The following TBC1D2B variants were observed in gnomAD, a reference collection of about 807,000 sequenced individuals.
TBC1D2B encodes TBC1 domain family, member 2B.
A neutral mutation model predicts 100.8 loss-of-function variants in TBC1D2B; 64 were observed. The ratio of observed to expected loss-of-function variants is 0.64; its 90% CI spans 0.52 to 0.78. TBC1D2B has a LOEUF of 0.78. TBC1D2B is among the 30% of genes least tolerant of loss of function. TBC1D2B has a pLI of 0.00. For synonymous variants in TBC1D2B, 480 were observed against 479.7 expected (o/e 1.00, Z -0.01); for missense variants, 1,052 against 1,218.4 (o/e 0.86, Z 2.03).
chr15:78,070,154 G>A (rs2073721086), intron 1 of TBC1D2B, among the ~76,000 whole-genome samples: 1 of 152,092 alleles, frequency 6.6e-6, no homozygotes, highest in South Asian at 2.1e-4. Context: ...TTGCCACCAG[G>A]CACTCCTTGA....
chr15:78,075,847 A>G (rs572604413), intron 1 of TBC1D2B, among the ~76,000 whole-genome samples: 40 of 151,754 alleles, frequency 2.6e-4, no homozygotes, highest in African/African-American at 5.8e-4. Flanking sequence ...GAACATCTCC[A>G]GGGAGCAGCT....
intron 1 of TBC1D2B, among the ~76,000 whole-genome samples, chr15:78,057,701 G>C (rs992040512): frequency 4.6e-5 from 7 of 152,168 alleles, no homozygotes; most frequent in Non-Finnish European, 1.0e-4. Context: ...TCCCCAATTA[G>C]CTAGTAAAAG....
At chr15:78,036,271 A>G (rs956786313) in intron 3 of TBC1D2B, among the ~76,000 whole-genome samples, 1 of 152,214 alleles carries the variant, frequency 6.6e-6, no homozygotes, top group Non-Finnish European at 1.5e-5. Context: ...GCTTATTGCA[A>G]TGAAGTACAA....
chr15:78,021,387 T>G (rs1056242168), intron 6 of TBC1D2B, among the ~76,000 whole-genome samples: 1 of 152,220 alleles, frequency 6.6e-6, no homozygotes, highest in Non-Finnish European at 1.5e-5. Flanking sequence ...GGAATCAATA[T>G]TTCTTCCTCA....
At chr15:78,010,681 G>C (rs2072200348) in intron 9 of TBC1D2B, among the ~76,000 whole-genome samples, 1 of 152,082 alleles carries the variant, frequency 6.6e-6, no homozygotes, top group Non-Finnish European at 1.5e-5. Flanking sequence ...GAAAGCGACA[G>C]AGCCTTTGAG....
chr15:77,999,099 C>T (rs1469756221), intron 12 of TBC1D2B: 2 of 331,848 alleles, frequency 6.0e-6, no homozygotes, highest in South Asian at 2.3e-5. Flanking sequence ...CTGGGGATCA[C>T]AAAATAGGCC....
At chr15:78,049,797 C>T (rs548840385) in intron 2 of TBC1D2B, among the ~76,000 whole-genome samples, 1 of 152,216 alleles carries the variant, frequency 6.6e-6, no homozygotes, top group African/African-American at 2.4e-5. Flanking sequence ...CAGCATCTCC[C>T]TCACATCCTC....
intron 8 of TBC1D2B, 99 bp from the exon 9 acceptor site, chr15:78,013,416 C>T (rs892019841): frequency 7.9e-6 from 9 of 1,144,488 alleles, no homozygotes; most frequent in Admixed American, 2.8e-5. Flanking sequence ...ATCAGGCACA[C>T]GTGGTACTTT....
chr15:78,018,620 A>C (rs542223928), intron 6 of TBC1D2B, among the ~76,000 whole-genome samples: 2 of 152,344 alleles, frequency 1.3e-5, no homozygotes, highest in East Asian at 3.9e-4. Context: ...AAAGAACATA[A>C]CAAGCTGGTG....
At position 77,995,799 on chromosome 15, in the gene TBC1D2B, G is replaced by C. The variant is rs1362234897; in HGVS notation, c.*2361C>G. ...TCCCCCTTGCAGGGGCCACGGGCTG[G>C]GTGTTGGGGTGAAGGTTCAGAGGAG... On this transcript the variant is annotated 3_prime_UTR_variant, in exon 13 of 13. Coordinates refer to ENST00000300584, the MANE Select transcript of TBC1D2B (RefSeq NM_144572.2). The C allele has an allele frequency of 6.6e-6, 1 of 152,078 alleles. No individual in the cohort carries two copies. Among genetic ancestry groups the C allele is most frequent in the Non-Finnish European group, 1.5e-5 (1 of 67,964 alleles). 9.4% of individuals were successfully genotyped at this position (152,078 alleles called of 1,614,324 possible). A position where few individuals can be genotyped will look rare whatever the true frequency, so the allele number is the denominator to read the frequency against.
chr15:78,077,690 G>C lies in TBC1D2B; in HGVS notation c.-38C>G, dbSNP rs1312081538. On this transcript the variant is annotated 5_prime_UTR_variant, in exon 1 of 13. Transcript: ENST00000300584. ...CCAACCGTAGGCGCCCGCGCCCTGC[G>C]CCTCCGCGCCGCGGCCGCTGCGCCC... 1 of 984,394 alleles carries C rather than the reference G, an allele frequency of 1.0e-6. No homozygotes were observed. The highest frequency in any genetic ancestry group is 1.1e-4 in the East Asian group (1 of 8,726). 61.0% of individuals were successfully genotyped at this position (984,394 alleles called of 1,614,324 possible).
intron 10 of TBC1D2B, among the ~76,000 whole-genome samples, chr15:78,007,023 G>A (rs1043222500): frequency 2.6e-5 from 4 of 152,254 alleles, no homozygotes; most frequent in Middle Eastern, 3.2e-3. Context: ...GCAGGGGCCC[G>A]TGCCTGCCTT....
At chr15:78,023,714 G>A (rs1222972808) in intron 6 of TBC1D2B, among the ~76,000 whole-genome samples, 3 of 152,138 alleles carry the variant, frequency 2.0e-5, no homozygotes, top group Non-Finnish European at 4.4e-5. Flanking sequence ...GCTGGAGTCC[G>A]CTTCCCCAGC....
intron 10 of TBC1D2B, among the ~76,000 whole-genome samples, chr15:78,005,179 G>A (rs1468219980): frequency 3.3e-5 from 5 of 152,170 alleles, no homozygotes; most frequent in East Asian, 1.9e-4. Flanking sequence ...GGTGCTTGGC[G>A]GAGGGCTGGT....
intron 1 of TBC1D2B, 95 bp downstream of exon 1, chr15:78,077,198 G>A: frequency 7.3e-7 from 1 of 1,376,272 alleles, no homozygotes; most frequent in Non-Finnish European, 9.4e-7. Flanking sequence ...GGGCGAGGAG[G>A]CCTTGGAGGA....
intron 1 of TBC1D2B, among the ~76,000 whole-genome samples, chr15:78,065,553 G>A (rs1166573567): frequency 6.6e-6 from 1 of 152,186 alleles, no homozygotes; most frequent in Non-Finnish European, 1.5e-5. Context: ...AGTGACCACA[G>A]GGCTACATTC....
chr15:78,007,328 G>A (rs866189242), intron 10 of TBC1D2B, among the ~76,000 whole-genome samples: 3 of 152,354 alleles, frequency 2.0e-5, no homozygotes, highest in Middle Eastern at 6.8e-3. Context: ...GTGGCAGCAG[G>A]AAGAAAGGAG....
intron 9 of TBC1D2B, among the ~76,000 whole-genome samples, chr15:78,011,344 G>A (rs2072217941): frequency 6.6e-6 from 1 of 152,148 alleles, no homozygotes; most frequent in African/African-American, 2.4e-5. Flanking sequence ...CTGGCATGGA[G>A]CAGGAGCAAA....
chr15:77,998,760 C>G, intron 12 of TBC1D2B: 1 of 176,892 alleles, frequency 5.7e-6, no homozygotes, highest in Non-Finnish European at 1.2e-5. Flanking sequence ...CATCCTTGGG[C>G]GGGCATGAGG....
Sources: gnomAD v4.1 joint callset for allele counts (sites outside exome capture counted in the v4.1 genomes callset) on GRCh38, gnomAD v4.1.1 for gene constraint, MANE v1.5 for transcripts, NCBI Gene and HGNC (gene_info 2026-07-23, HGNC 2026-07-21) for gene names.